Variants in CEP135 observed in about 807,000 individuals in gnomAD.
CEP135 encodes centrosomal protein of 135 kDa.
Under a neutral mutation model 157.3 loss-of-function variants are expected in CEP135, and 142 were observed. That is an observed-to-expected ratio of 0.90 (90% confidence interval 0.79 to 1.04). The LOEUF is 1.04. Among genes scored for constraint, CEP135 ranks in the 50% least tolerant of loss-of-function variants. CEP135 has a pLI of 0.00. For synonymous variants in CEP135, 396 were observed against 439.8 expected (o/e 0.90, Z 1.25); for missense variants, 1,317 against 1,309.2 (o/e 1.01, Z -0.09).
At chr4:55,976,984 T>TG (rs1376118951) in intron 11 of CEP135, among the ~76,000 whole-genome samples, 1 of 151,528 alleles carries the variant, frequency 6.6e-6, no homozygotes, top group African/African-American at 2.4e-5. Context: ...TTTTTTTTTT[T>TG]TTGTTTTTTG....
intron 25 of CEP135, among the ~76,000 whole-genome samples, chr4:56,026,455 G>A (rs1423817387): frequency 6.6e-6 from 1 of 152,054 alleles, no homozygotes; most frequent in African/African-American, 2.4e-5. Flanking sequence ...CATGTTCCTG[G>A]CTTCTTTTTC....
At chr4:55,951,639 T>C (rs935530205) in intron 1 of CEP135, among the ~76,000 whole-genome samples, 4 of 152,248 alleles carry the variant, frequency 2.6e-5, no homozygotes, top group African/African-American at 9.6e-5. Context: ...TCCTTTTATA[T>C]TCCCTATACA....
At chr4:56,019,857 T>C (rs931198673) in intron 23 of CEP135, among the ~76,000 whole-genome samples, 1 of 152,058 alleles carries the variant, frequency 6.6e-6, no homozygotes, top group Non-Finnish European at 1.5e-5. Context: ...GAGAATCACT[T>C]GAACCCAGGA....
chr4:56,022,668 A>C (rs1173295993), intron 24 of CEP135, among the ~76,000 whole-genome samples: 1 of 152,186 alleles, frequency 6.6e-6, no homozygotes, highest in Admixed American at 6.5e-5. Context: ...AGATGGCAAC[A>C]TAATCCCCAT....
chr4:56,007,242 A>AGATT (rs1730380509), intron 17 of CEP135, among the ~76,000 whole-genome samples: 1 of 152,004 alleles, frequency 6.6e-6, no homozygotes, highest in Admixed American at 6.6e-5. Context: ...GATTCTTCAA[A>AGATT]CTTTATTGAA....
chr4:56,018,475 A>C (rs555453632), intron 22 of CEP135, among the ~76,000 whole-genome samples: 1 of 152,270 alleles, frequency 6.6e-6, no homozygotes, highest in African/African-American at 2.4e-5. Context: ...GTAAGACTTG[A>C]GGCCAGGTAC....
intron 12 of CEP135, 40 bp from the exon 13 acceptor site, chr4:55,981,187 C>T (rs1284399548): frequency 6.5e-7 from 1 of 1,532,246 alleles, no homozygotes; most frequent in Non-Finnish European, 8.7e-7. Context: ...ATATCTTTTA[C>T]TAAAGTGCCT....
At chr4:56,019,716 G>T (rs1730908672) in intron 23 of CEP135, among the ~76,000 whole-genome samples, 161 bp downstream of exon 23, 1 of 151,920 alleles carries the variant, frequency 6.6e-6, no homozygotes, top group Admixed American at 6.6e-5. Flanking sequence ...CGGGTAGATT[G>T]CCTGAGCTCA....
intron 24 of CEP135, among the ~76,000 whole-genome samples, chr4:56,022,781 G>T (rs981949759): frequency 2.6e-5 from 4 of 152,138 alleles, no homozygotes; most frequent in Admixed American, 2.0e-4. Flanking sequence ...GAAGACGGAA[G>T]AGGGCTAGAT....
At chr4:56,010,013 T>C in intron 19 of CEP135, 110 bp downstream of exon 19, 2 of 1,139,594 alleles carry the variant, frequency 1.8e-6, no homozygotes, top group South Asian at 1.4e-5. Context: ...ATAAGTGACA[T>C]AAATAATTCA....
At chr4:55,969,179 A>G (rs778282412) in intron 9 of CEP135, 51 bp downstream of exon 9, 3 of 1,495,450 alleles carry the variant, frequency 2.0e-6, no homozygotes, top group Admixed American at 1.7e-5. Context: ...GAAAATTTTT[A>G]TGGGAGACTG....
In CEP135 at chr4:55,981,261, C is replaced by T; in HGVS notation, c.1661C>T (p.Ser554Phe). 6.3e-7 allele frequency: 1 copy of T among 1,590,478 alleles called. No homozygotes were observed. Among genetic ancestry groups the T allele is most frequent in the African/African-American group, 1.4e-5 (1 of 73,130 alleles). Residue 554 changes from serine to phenylalanine, a missense_variant, in exon 13 of 26, where the codon TCC becomes TTC. By Grantham distance (155) the Ser-to-Phe change is radical. Transcript: ENST00000257287. ...QEELSALRKE[S>F]TQTTAPHNIV... ...GAATTATCTGCCCTAAGAAAGGAATCCACCCAAACCACAGCACCCCATAAT... is the reference window on the plus strand; with the variant it reads ...GAATTATCTGCCCTAAGAAAGGAATTCACCCAAACCACAGCACCCCATAAT...
chr4:55,992,158 G>T, intron 15 of CEP135, 73 bp downstream of exon 15: 1 of 1,460,276 alleles, frequency 6.8e-7, no homozygotes, highest in Non-Finnish European at 9.3e-7. Context: ...TATAATCATG[G>T]CATTTTGGAC....
intron 8 of CEP135, chr4:55,966,371 T>C (rs77663357): frequency 0.1 from 15,583 of 155,246 alleles, 1,148 homozygotes; most frequent in East Asian, 0.26. Context: ...TTTGTACTTT[T>C]AGTAGAGATG....
At position 55,965,700 on chromosome 4, in the gene CEP135, G is replaced by A. The variant is rs754859802; in HGVS notation, c.885G>A (p.Met295Ile). The A allele has an allele frequency of 2.5e-6, 4 of 1,613,784 alleles. No individual in the cohort carries two copies. The Admixed American group carries it at 6.7e-5, about 27-fold the overall frequency. The change falls in exon 8 of 26, where the codon ATG becomes ATA. Residue 295 changes from methionine to isoleucine, a missense_variant. Coordinates refer to ENST00000257287, the MANE Select transcript of CEP135 (RefSeq NM_025009.5). ...TGGAGAAGCGTATACGAGAGCTTATGGAAACCAAGGAAACAGTGACATCTG... is the reference window on the plus strand; with the variant it reads ...TGGAGAAGCGTATACGAGAGCTTATAGAAACCAAGGAAACAGTGACATCTG... ...KDLEKRIREL[M>I]ETKETVTSEV...
chr4:55,955,429 C>A (rs1488534196), intron 4 of CEP135, among the ~76,000 whole-genome samples: 1 of 152,044 alleles, frequency 6.6e-6, no homozygotes, highest in African/African-American at 2.4e-5. Context: ...GAGGAGACTC[C>A]TGAGAGTGGA....
chr4:55,956,242 G>A (rs1228684397), intron 4 of CEP135, among the ~76,000 whole-genome samples: 2 of 152,112 alleles, frequency 1.3e-5, no homozygotes, highest in African/African-American at 4.8e-5. Context: ...GAATTCTAAT[G>A]AGACAAAATT....
At chr4:56,017,884 A>T (rs1334069097) in intron 22 of CEP135, 27 bp downstream of exon 22, 4 of 1,571,742 alleles carry the variant, frequency 2.5e-6, no homozygotes, top group Admixed American at 1.7e-5. Flanking sequence ...GTCTTGGCAC[A>T]TTGTTTTATT....
intron 14 of CEP135, among the ~76,000 whole-genome samples, chr4:55,987,476 C>T (rs760566253): frequency 6.6e-5 from 10 of 152,152 alleles, no homozygotes; most frequent in African/African-American, 7.2e-5. Context: ...GGTTCCATAT[C>T]GGTTCCTTTC....
Sources: allele counts gnomAD v4.1 joint callset (sites outside exome capture counted in the v4.1 genomes callset), GRCh38; gene constraint gnomAD v4.1.1; transcripts MANE v1.5; gene names NCBI Gene and HGNC (gene_info 2026-07-23, HGNC 2026-07-21).